The following MTHFD1L variants were observed in gnomAD, a reference collection of about 807,000 sequenced individuals.
The protein encoded by MTHFD1L is methylenetetrahydrofolate dehydrogenase (NADP+ dependent) 1 like.
In MTHFD1L, 81 loss-of-function variants were observed where a neutral mutation model predicts 119.5. The ratio of observed to expected loss-of-function variants is 0.68; its 90% CI spans 0.57 to 0.82. The LOEUF is 0.82. MTHFD1L is among the 40% of genes least tolerant of loss of function. MTHFD1L has a pLI of 0.00. For missense variants in MTHFD1L, 1,125 were observed against 1,253.4 expected, an observed-to-expected ratio of 0.90 and a Z score of 1.55; for synonymous variants, 430 against 475.2, an observed-to-expected ratio of 0.90 and a Z score of 1.24.
intron 11 of MTHFD1L, among the ~76,000 whole-genome samples, chr6:150,931,478 C>G (rs975632046): frequency 1.3e-5 from 2 of 152,072 alleles, no homozygotes; most frequent in African/African-American, 4.8e-5. Context: ...TTAGAAGAAA[C>G]CACTTCCCAC....
intron 20 of MTHFD1L, among the ~76,000 whole-genome samples, chr6:150,996,172 G>T (rs375147250): frequency 6.6e-6 from 1 of 152,236 alleles, no homozygotes; most frequent in African/African-American, 2.4e-5. Context: ...AGGCAGCAGG[G>T]TGCCTTCTTG....
At chr6:151,006,021 C>T (rs1469298762) in intron 20 of MTHFD1L, among the ~76,000 whole-genome samples, 1 of 152,084 alleles carries the variant, frequency 6.6e-6, no homozygotes, top group Non-Finnish European at 1.5e-5. Flanking sequence ...TCCCAAGTCC[C>T]ATCCTGTTTT....
At chr6:151,034,430 T>G in intron 24 of MTHFD1L, 63 bp from the exon 25 acceptor site, 2 of 1,198,174 alleles carry the variant, frequency 1.7e-6, no homozygotes, top group Non-Finnish European at 2.5e-6. Context: ...CTCACTAAAG[T>G]TTTTAAAAAA....
chr6:150,886,435 C>CAAAA (rs996165446), intron 6 of MTHFD1L, among the ~76,000 whole-genome samples: 3 of 69,648 alleles, frequency 4.3e-5, no homozygotes, highest in Non-Finnish European at 5.8e-5. Flanking sequence ...GACCCTGCCT[C>CAAAA]AAAAAAAAAA....
chr6:150,967,305 T>G (rs1487787976), intron 19 of MTHFD1L, among the ~76,000 whole-genome samples: 2 of 152,146 alleles, frequency 1.3e-5, no homozygotes, highest in African/African-American at 4.8e-5. Context: ...GCCCTTGTCT[T>G]CCTTCAGGAG....
At chr6:150,992,026 A>G (rs1046499225) in intron 20 of MTHFD1L, among the ~76,000 whole-genome samples, 9 of 152,208 alleles carry the variant, frequency 5.9e-5, no homozygotes, top group African/African-American at 1.9e-4. Context: ...TTTCTAATCC[A>G]TGAGGACTTC....
intron 4 of MTHFD1L, 73 bp downstream of exon 4, chr6:150,877,899 T>C: frequency 6.4e-7 from 1 of 1,558,828 alleles, no homozygotes. Flanking sequence ...TGGCGTCTCT[T>C]AGTGGTGGCT....
intron 20 of MTHFD1L, among the ~76,000 whole-genome samples, chr6:150,974,082 T>C (rs543879216): frequency 1.3e-4 from 20 of 152,344 alleles, no homozygotes; most frequent in African/African-American, 4.3e-4. Flanking sequence ...CGTTGCCAGA[T>C]GGTTCAAAGG....
intron 8 of MTHFD1L, among the ~76,000 whole-genome samples, chr6:150,916,375 C>T (rs1787881512): frequency 7.8e-6 from 1 of 128,680 alleles, no homozygotes; most frequent in Admixed American, 8.7e-5. Context: ...GATCTCGGCT[C>T]ACCGCAATCT....
chr6:151,082,563 A>G (rs573304062), intron 26 of MTHFD1L, among the ~76,000 whole-genome samples: 3 of 152,072 alleles, frequency 2.0e-5, no homozygotes, highest in East Asian at 1.9e-4. Context: ...ATAAATACAT[A>G]ATTAGATATA....
chr6:150,879,300 C>CT (rs978165025), intron 4 of MTHFD1L, among the ~76,000 whole-genome samples: 25 of 151,426 alleles, frequency 1.7e-4, no homozygotes, highest in Middle Eastern at 6.8e-3. Context: ...GCTTTTCTTT[C>CT]TTTTTTTTTG....
intron 20 of MTHFD1L, among the ~76,000 whole-genome samples, chr6:150,976,582 A>G (rs1253197681): frequency 6.6e-6 from 1 of 152,242 alleles, no homozygotes; most frequent in African/African-American, 2.4e-5. Context: ...ATAGTAGACT[A>G]TCTTTATGAC....
intron 26 of MTHFD1L, among the ~76,000 whole-genome samples, chr6:151,066,212 G>A (rs550946625): frequency 6.6e-6 from 1 of 152,076 alleles, no homozygotes; most frequent in Non-Finnish European, 1.5e-5. Flanking sequence ...CGAGGCGGGC[G>A]GATCATGAGG....
At chr6:150,969,957 T>G (rs1264566403) in intron 19 of MTHFD1L, among the ~76,000 whole-genome samples, 1 of 152,226 alleles carries the variant, frequency 6.6e-6, no homozygotes, top group African/African-American at 2.4e-5. Flanking sequence ...ACGTGAACTC[T>G]TGTACCCTGA....
rs149772362 is a variant in MTHFD1L at position 150,921,362 on chromosome 6, C to G, written c.985-843C>G. Among the ~76,000 whole-genome samples, 123 of 152,226 alleles carry G rather than the reference C, an allele frequency of 8.1e-4. 2 individuals carry two copies. The highest frequency in any genetic ancestry group is 2.9e-3 in the African/African-American group (121 of 41,538). On this transcript the variant is annotated intron_variant, in intron 9 of 27. Transcript: ENST00000367321. ...TCGAACTCCCGACCTCAGTTGATCC[C>G]GCCTACCTCAGCCTCCCAAAGAGGA...
chr6:150,866,880 C>G (rs1260345259), intron 1 of MTHFD1L, among the ~76,000 whole-genome samples: 1 of 152,176 alleles, frequency 6.6e-6, no homozygotes, highest in Non-Finnish European at 1.5e-5. Context: ...CAGGGCGAGC[C>G]CTTCGGGACA....
intron 7 of MTHFD1L, among the ~76,000 whole-genome samples, chr6:150,896,826 G>T (rs890512386): frequency 1.3e-5 from 2 of 151,998 alleles, no homozygotes; most frequent in Non-Finnish European, 2.9e-5. Context: ...AAGGGGCTGT[G>T]TGGCGGGCGC....
At chr6:151,022,315 C>G (rs1784052635) in intron 24 of MTHFD1L, 1 of 240,586 alleles carries the variant, frequency 4.2e-6, no homozygotes, top group Non-Finnish European at 8.6e-6. Flanking sequence ...TTTACATGGA[C>G]TTGGAGCATT....
chr6:151,058,829 AC>A (rs1191557391), intron 26 of MTHFD1L, among the ~76,000 whole-genome samples: 4 of 152,214 alleles, frequency 2.6e-5, no homozygotes, highest in Admixed American at 2.6e-4. Context: ...ATGTGCCGCC[AC>A]GCCAGGCTAA....
Sources: allele counts gnomAD v4.1 joint callset (sites outside exome capture counted in the v4.1 genomes callset), GRCh38; gene constraint gnomAD v4.1.1; transcripts MANE v1.5; gene names NCBI Gene and HGNC (gene_info 2026-07-23, HGNC 2026-07-21).